The following GASK1A variants were observed in gnomAD, a reference collection of about 807,000 sequenced individuals.
The protein encoded by GASK1A is Golgi-associated kinase 1A.
Under a neutral mutation model 41.2 loss-of-function variants are expected in GASK1A, and 40 were observed. The observed-to-expected ratio is 0.97, with a 90% CI of 0.75 to 1.27. GASK1A has a LOEUF of 1.27. Among genes scored for constraint, GASK1A ranks in the 50% most tolerant of loss-of-function variants. The pLI is 0.00. For synonymous variants in GASK1A, 316 were observed against 307.1 expected (o/e 1.03, Z -0.30); for missense variants, 678 against 745.1 (o/e 0.91, Z 1.05).
intron 2 of GASK1A, among the ~76,000 whole-genome samples, chr3:43,050,852 A>G (rs2089685478): frequency 6.6e-6 from 1 of 151,986 alleles, no homozygotes; most frequent in South Asian, 2.1e-4. Context: ...CATAATTTAT[A>G]TTTGGTTTCT....
At chr3:42,994,589 C>T (rs577309082) in intron 1 of GASK1A, among the ~76,000 whole-genome samples, 2 of 152,054 alleles carry the variant, frequency 1.3e-5, no homozygotes, top group East Asian at 1.9e-4. Context: ...AGAGGGCATT[C>T]GGTAGACAAG....
In GASK1A at chr3:42,979,336, G is replaced by A. The variant is rs140922267; in HGVS notation, c.-307G>A. The A allele has an allele frequency of 1.8e-3, 650 of 356,430 alleles. 3 individuals carry two copies. Among genetic ancestry groups the A allele is most frequent in the African/African-American group, 0.012 (585 of 47,658 alleles). The allele number at this position is 356,430 out of a possible 1,614,324, so 22.1% of individuals were successfully genotyped here. A position where few individuals can be genotyped will look rare whatever the true frequency, so the allele number is the denominator to read the frequency against. On this transcript the variant is annotated 5_prime_UTR_variant, in exon 1 of 5. Coordinates refer to ENST00000430121, the MANE Select transcript of GASK1A (RefSeq NM_001129908.3). ...ACTTTGCAAACTCTGCAAAAGTCCCGAGTAGACCGCAGAGGCTCGCGGCCG... is the reference window on the plus strand; with the variant it reads ...ACTTTGCAAACTCTGCAAAAGTCCCAAGTAGACCGCAGAGGCTCGCGGCCG...
intron 1 of GASK1A, among the ~76,000 whole-genome samples, chr3:42,982,555 C>A (rs568659799): frequency 6.6e-6 from 1 of 152,342 alleles, no homozygotes; most frequent in African/African-American, 2.4e-5. Flanking sequence ...TATAACCATA[C>A]ATTTAATGCT....
chr3:43,040,531 G>T (rs2089630959), intron 2 of GASK1A, among the ~76,000 whole-genome samples: 1 of 151,874 alleles, frequency 6.6e-6, no homozygotes, highest in South Asian at 2.1e-4. Flanking sequence ...AGTTTTTGTG[G>T]ATTAATATAG....
chr3:42,994,502 A>G (rs945831540), intron 1 of GASK1A, among the ~76,000 whole-genome samples: 13 of 152,122 alleles, frequency 8.5e-5, no homozygotes, highest in Admixed American at 1.3e-4. Flanking sequence ...TCTTCTAAGC[A>G]GCATCTCCAT....
At position 42,984,818 on chromosome 3, in the gene GASK1A, TG is replaced by T. The variant is rs904564149; in HGVS notation, c.3+5178del. 1.3e-5 allele frequency among the ~76,000 whole-genome samples: 2 copies of T among 151,964 alleles called. No individual in the cohort carries two copies. The highest frequency in any genetic ancestry group is 2.9e-5 in the Non-Finnish European group (2 of 67,984). ...GCATGCAGGGGAGTGAGCAAGCAGG[TG>T]GGGGTCTCCGTGACTTGCTTTGGTG... On this transcript the variant is annotated intron_variant, in intron 1 of 4. Transcript: ENST00000430121. This position sits in a 1 kb window ranked among gnomAD's most constrained non-coding sequence, Gnocchi z 4.2.
chr3:43,050,768 C>T (rs186362348), intron 2 of GASK1A, among the ~76,000 whole-genome samples: 70 of 151,966 alleles, frequency 4.6e-4, no homozygotes, highest in South Asian at 3.3e-3. Flanking sequence ...TTTTCTGATT[C>T]GTTCTTCTGC....
At position 43,033,169 on chromosome 3, in the gene GASK1A, C is replaced by G; in HGVS notation, c.906C>G (p.Asp302Glu). The G allele has an allele frequency of 6.4e-7, 1 of 1,551,048 alleles. No homozygotes were observed. Among genetic ancestry groups the G allele is most frequent in the Non-Finnish European group, 8.7e-7 (1 of 1,146,528 alleles). ...TCTCCACTGAGGCTGCCCTTCAGGA[C>G]CTGTCCTCTCCCAGGCTCAGCCAAC... ...VGFSTEAALQ[D>E]LSSPRLSQLC... The change falls in exon 2 of 5, where the codon GAC becomes GAG. Residue 302 changes from aspartate to glutamate, a missense_variant. Transcript: ENST00000430121.
At chr3:43,053,445 T>C (rs917395266) in intron 2 of GASK1A, 76 bp from the exon 3 acceptor site, 65 of 1,453,350 alleles carry the variant, frequency 4.5e-5, no homozygotes, top group Non-Finnish European at 5.2e-5. Flanking sequence ...AAACAGCAGG[T>C]CAGGTGGCCT....
At chr3:43,026,081 C>A (rs1034076033) in intron 1 of GASK1A, among the ~76,000 whole-genome samples, 1 of 152,104 alleles carries the variant, frequency 6.6e-6, no homozygotes, top group African/African-American at 2.4e-5. Flanking sequence ...GAGTGACACA[C>A]CTGAGGAGCA....
chr3:43,055,518 G>T lies in GASK1A; in HGVS notation c.1500G>T (p.Leu500=). Residue 500 remains leucine (L), a synonymous_variant, in exon 4 of 5, where the codon CTG becomes CTT. Coordinates refer to ENST00000430121, the MANE Select transcript of GASK1A (RefSeq NM_001129908.3). ...QHPEDKLNFR[L]LEGIDGFPES... Reference sequence around the variant, plus strand: ...CTGAGGACAAGCTGAACTTTCGGCTGCTGGAGGGCATAGATGGGTGAGGGT... The same window carrying T: ...CTGAGGACAAGCTGAACTTTCGGCTTCTGGAGGGCATAGATGGGTGAGGGT... 1 of 1,551,968 alleles carries T rather than the reference G, an allele frequency of 6.4e-7. No homozygotes were observed. The highest frequency in any genetic ancestry group is 8.7e-7 in the Non-Finnish European group (1 of 1,146,944).
At chr3:43,019,846 C>G (rs1401717789) in intron 1 of GASK1A, among the ~76,000 whole-genome samples, 1 of 152,122 alleles carries the variant, frequency 6.6e-6, no homozygotes, top group East Asian at 1.9e-4. Context: ...TTAAAAAACA[C>G]TTTACAAGTG....
chr3:43,033,089 G>T lies in GASK1A; in HGVS notation c.826G>T (p.Glu276Ter). Residue 276 changes from glutamate to a stop codon, truncating the protein, a stop_gained, in exon 2 of 5, where the codon GAG becomes TAG. Transcript: ENST00000430121. LOFTEE classifies it high-confidence loss of function. ...GATGCTCCGTCTGTTGGCACAGGGG[G>T]AGGTGGTGGACAAAGCCAGGGTCCC... ...VQMLRLLAQG[E>*]VVDKARVPAH... The T allele has an allele frequency of 6.4e-7, 1 of 1,551,740 alleles. No homozygotes were observed. The highest frequency in any genetic ancestry group is 8.7e-7 in the Non-Finnish European group (1 of 1,146,994).
rs370736022 is a variant in GASK1A, at chr3:42,999,690, C to T, written c.3+20045C>T. Among the ~76,000 whole-genome samples the T allele has an allele frequency of 4.3e-4, 65 of 152,324 alleles. No homozygotes were observed. In the South Asian group the frequency reaches 0.012, roughly 28 times the overall value. ...TCCCATTGTTGCTGTAACAAATTGA[C>T]GCACATCGAGTGGCTCAAAACAACA... On this transcript the variant is annotated intron_variant, in intron 1 of 4. Transcript: ENST00000430121.
chr3:42,991,636 G>A (rs889173260), intron 1 of GASK1A, among the ~76,000 whole-genome samples: 4 of 152,202 alleles, frequency 2.6e-5, no homozygotes, highest in Admixed American at 2.6e-4. Context: ...TGGGGGCTGC[G>A]GTCATGCTGC....
At chr3:43,003,507 A>G (rs1231053210) in intron 1 of GASK1A, among the ~76,000 whole-genome samples, 4 of 151,860 alleles carry the variant, frequency 2.6e-5, no homozygotes, top group Non-Finnish European at 5.9e-5. Flanking sequence ...AAAAAAAAAA[A>G]AAAAGAATAG....
At chr3:43,031,695 TA>T (rs1016733407) in intron 1 of GASK1A, among the ~76,000 whole-genome samples, 1 of 152,224 alleles carries the variant, frequency 6.6e-6, no homozygotes, top group African/African-American at 2.4e-5. Context: ...CCAGGGTGGC[TA>T]ACTTCCTTTT....
intron 1 of GASK1A, among the ~76,000 whole-genome samples, chr3:42,979,978 A>T (rs2089274397): frequency 6.6e-6 from 1 of 152,104 alleles, no homozygotes; most frequent in Non-Finnish European, 1.5e-5. Flanking sequence ...TCCCTGGGGA[A>T]CCCACGGCAG....
chr3:43,013,902 C>T (rs1358598953), intron 1 of GASK1A, among the ~76,000 whole-genome samples: 3 of 151,170 alleles, frequency 2.0e-5, no homozygotes, highest in Non-Finnish European at 4.4e-5. Flanking sequence ...TGGGAAGTCA[C>T]AAGAAGTGGC....
Sources: gnomAD v4.1 joint callset for allele counts (sites outside exome capture counted in the v4.1 genomes callset) on GRCh38, gnomAD v4.1.1 for gene constraint, Gnocchi (gnomAD v3.1) non-coding constraint, MANE v1.5 for transcripts, NCBI Gene and HGNC (gene_info 2026-07-23, HGNC 2026-07-21) for gene names.